BABAM2: variants seen among roughly 807,000 people sequenced by gnomAD.
The protein encoded by BABAM2 is BRISC and BRCA1 A complex member 2.
Under a neutral mutation model 54.7 loss-of-function variants are expected in BABAM2, and 31 were observed. The ratio of observed to expected loss-of-function variants is 0.57; its 90% CI spans 0.43 to 0.77. The LOEUF (loss-of-function observed/expected upper bound fraction) is 0.77, where lower values mean the gene tolerates loss of function less well. Among genes scored for constraint, BABAM2 ranks in the 30% least tolerant of loss-of-function variants. BABAM2 has a pLI of 0.00. For synonymous variants in BABAM2, 167 were observed against 162.9 expected, an observed-to-expected ratio of 1.03 and a Z score of -0.19; for missense variants, 364 against 455.8, an observed-to-expected ratio of 0.80 and a Z score of 1.83.
intron 6 of BABAM2, among the ~76,000 whole-genome samples, chr2:28,116,487 T>TGCCATG (rs1668627175): frequency 3.9e-5 from 6 of 152,312 alleles, no homozygotes; most frequent in Admixed American, 3.9e-4. Flanking sequence ...ATTGCTTAGT[T>TGCCATG]GCCATGGGCA....
chr2:28,064,777 G>A lies in BABAM2; in HGVS notation c.570+18978G>A, dbSNP rs147979693. On this transcript the variant is annotated intron_variant, in intron 6 of 11. Coordinates refer to ENST00000379624, the MANE Select transcript of BABAM2 (RefSeq NM_199191.3). ...AGCATTTTGGGAGGCGGAGGTGGGCGGATCACCTGAGGTCAGGAGTTCAAG... is the reference window on the plus strand; with the variant it reads ...AGCATTTTGGGAGGCGGAGGTGGGCAGATCACCTGAGGTCAGGAGTTCAAG... 6.3e-3 allele frequency among the ~76,000 whole-genome samples: 965 copies of A among 152,206 alleles called. 7 individuals are homozygous for A. The highest frequency in any genetic ancestry group is 7.9e-3 in the Non-Finnish European group (535 of 68,012).
chr2:27,988,759 GCCATTTT>G (rs1446346410), intron 4 of BABAM2, among the ~76,000 whole-genome samples: 1 of 152,122 alleles, frequency 6.6e-6, no homozygotes, highest in Admixed American at 6.5e-5. Flanking sequence ...AAAAACACAT[GCCATTTT>G]GTTTAAATGG....
At chr2:28,219,963 C>T (rs545611223) in intron 7 of BABAM2, among the ~76,000 whole-genome samples, 8 of 152,182 alleles carry the variant, frequency 5.3e-5, no homozygotes, top group Non-Finnish European at 1.0e-4. Context: ...AGTTGTGGCT[C>T]AGTGCTGCTG....
chr2:27,931,938 C>T (rs1222329967), intron 3 of BABAM2, among the ~76,000 whole-genome samples: 1 of 152,086 alleles, frequency 6.6e-6, no homozygotes, highest in East Asian at 1.9e-4. Flanking sequence ...ACTGTCCGTT[C>T]TAAATCTGTA....
intron 6 of BABAM2, among the ~76,000 whole-genome samples, chr2:28,056,203 T>G (rs1215596043): frequency 6.6e-6 from 1 of 152,128 alleles, no homozygotes; most frequent in Non-Finnish European, 1.5e-5. Context: ...GCAACAGGAC[T>G]ACAGGTTATA....
intron 6 of BABAM2, among the ~76,000 whole-genome samples, chr2:28,088,570 T>A (rs1029436232): frequency 6.6e-6 from 1 of 152,146 alleles, no homozygotes; most frequent in African/African-American, 2.4e-5. Context: ...ATTTAGGAAA[T>A]TCTGAGCTGC....
At chr2:27,991,371 T>G (rs1217915848) in intron 4 of BABAM2, among the ~76,000 whole-genome samples, 1 of 152,230 alleles carries the variant, frequency 6.6e-6, no homozygotes, top group Non-Finnish European at 1.5e-5. Context: ...GTTCAAAAGT[T>G]TTTTTAAGTA....
chr2:27,943,496 G>A (rs1170305633), intron 3 of BABAM2, among the ~76,000 whole-genome samples: 2 of 152,142 alleles, frequency 1.3e-5, no homozygotes, highest in Non-Finnish European at 2.9e-5. Context: ...AAAATAGCCT[G>A]TCTTGTGATG....
rs144139645 is a variant in BABAM2 at position 27,973,373 on chromosome 2, A to G, written c.206-14620A>G. Among the ~76,000 whole-genome samples, 421 of 151,878 alleles carry G rather than the reference A, an allele frequency of 2.8e-3. 1 individual carries two copies. The highest frequency in any genetic ancestry group is 4.8e-3 in the Non-Finnish European group (325 of 67,988). ...ACTGGGCAAGGACAGAAAATTCTCC[A>G]ATGAAAACCCTCTCCCAGGTCAAAG... On this transcript the variant is annotated intron_variant, in intron 3 of 11. Transcript: ENST00000379624.
intron 7 of BABAM2, among the ~76,000 whole-genome samples, chr2:28,129,721 C>T (rs1669865218): frequency 6.6e-6 from 1 of 152,074 alleles, no homozygotes; most frequent in African/African-American, 2.4e-5. Flanking sequence ...AACATCTGGC[C>T]CAATTTCTTA....
intron 7 of BABAM2, among the ~76,000 whole-genome samples, chr2:28,192,201 AT>A (rs1341431819): frequency 6.6e-6 from 1 of 151,546 alleles, no homozygotes; most frequent in African/African-American, 2.4e-5. Context: ...CGCCCAGCTA[AT>A]TTTTTGTATT....
At chr2:28,152,105 G>T (rs1672108266) in intron 7 of BABAM2, among the ~76,000 whole-genome samples, 1 of 152,172 alleles carries the variant, frequency 6.6e-6, no homozygotes, top group Non-Finnish European at 1.5e-5. Context: ...AGGCCTTTAA[G>T]CTATAACATT....
intron 10 of BABAM2, among the ~76,000 whole-genome samples, chr2:28,297,844 C>T (rs1190631542): frequency 1.3e-5 from 2 of 152,092 alleles, no homozygotes; most frequent in Non-Finnish European, 2.9e-5. Flanking sequence ...TACCGCTTCT[C>T]CAAATGCATT....
intron 2 of BABAM2, among the ~76,000 whole-genome samples, chr2:27,899,256 G>A (rs1665586730): frequency 6.6e-6 from 1 of 152,134 alleles, no homozygotes; most frequent in African/African-American, 2.4e-5. Flanking sequence ...ATGGCTAGTG[G>A]ACTGGTGACT....
intron 10 of BABAM2, among the ~76,000 whole-genome samples, chr2:28,265,242 C>T (rs1176520762): frequency 2.0e-5 from 3 of 152,130 alleles, no homozygotes; most frequent in African/African-American, 7.2e-5. Context: ...TCAAGACCAG[C>T]CTGGCCAACA....
At chr2:27,896,685 C>A in intron 2 of BABAM2, 1 of 162,742 alleles carries the variant, frequency 6.1e-6, no homozygotes, top group South Asian at 1.3e-4. Flanking sequence ...CTATTGTGTC[C>A]ACCTCCTCCA....
chr2:28,025,082 C>A, intron 4 of BABAM2, 144 bp from the exon 5 acceptor site: 2 of 640,336 alleles, frequency 3.1e-6, no homozygotes, highest in Non-Finnish European at 4.8e-6. Flanking sequence ...CTAACTTCAT[C>A]TCTGGGTATA....
intron 6 of BABAM2, among the ~76,000 whole-genome samples, chr2:28,059,977 G>A (rs188704019): frequency 2.8e-4 from 43 of 152,238 alleles, no homozygotes; most frequent in Admixed American, 1.9e-3. Flanking sequence ...TGAAAAAGGG[G>A]AAATGATTTC....
chr2:27,903,963 G>C (rs1220007497), intron 2 of BABAM2, among the ~76,000 whole-genome samples: 1 of 152,022 alleles, frequency 6.6e-6, no homozygotes, highest in Non-Finnish European at 1.5e-5. Flanking sequence ...CACTACTCTT[G>C]TGCTTTCCCG....
Sources: gnomAD v4.1 joint callset for allele counts (sites outside exome capture counted in the v4.1 genomes callset) on GRCh38, gnomAD v4.1.1 for gene constraint, MANE v1.5 for transcripts, NCBI Gene and HGNC (gene_info 2026-07-23, HGNC 2026-07-21) for gene names.